ADAMTS5: variants seen among roughly 807,000 people sequenced by gnomAD.
ADAMTS5 encodes the protein ADAM metallopeptidase with thrombospondin type 1 motif 5.
ADAMTS5 carries 54 observed loss-of-function variants against 81.4 expected under a neutral mutation model. The ratio of observed to expected loss-of-function variants is 0.66; its 90% CI spans 0.53 to 0.83. The LOEUF is 0.83. Ranked by LOEUF, ADAMTS5 falls within the 40% of genes least tolerant of loss-of-function variation. ADAMTS5 has a pLI of 0.00. For missense variants in ADAMTS5, 1,194 were observed against 1,229.9 expected, an observed-to-expected ratio of 0.97 and a Z score of 0.44; for synonymous variants, 532 against 508.8, an observed-to-expected ratio of 1.05 and a Z score of -0.61.
chr21:26,928,653 T>G (rs562691314), intron 7 of ADAMTS5, among the ~76,000 whole-genome samples: 136 of 151,586 alleles, frequency 9.0e-4, no homozygotes, highest in Admixed American at 2.1e-3. Flanking sequence ...TCTCTTTCCT[T>G]TGTCTTTCTT....
rs1352155210 is a variant in ADAMTS5 at position 26,922,396 on chromosome 21, C to T, written c.*1657G>A. The T allele has an allele frequency of 6.6e-6, 1 of 151,996 alleles. No homozygotes were observed. Among genetic ancestry groups the T allele is most frequent in the African/African-American group, 2.4e-5 (1 of 41,422 alleles). The allele number at this position is 151,996 out of a possible 1,614,324, so 9.4% of individuals were successfully genotyped here. ...AAACATCTTATAATAAAAATAAACT[C>T]TCATGAGCTTGTAGAACTCAAACAG... On this transcript the variant is annotated 3_prime_UTR_variant, in exon 8 of 8. Transcript: ENST00000284987.
Position 26,965,478 on chromosome 21 carries a change from G to C in ADAMTS5, c.914C>G (p.Ala305Gly). The change falls in exon 1 of 8, where the codon GCT (alanine) becomes GGT (glycine). Residue 305 changes from alanine (A) to glycine (G), a missense_variant. Physicochemically the swap from Ala to Gly is moderately conservative, Grantham distance 60. Transcript: ENST00000284987. The stretch of plus-strand genomic sequence containing the variant: ...CAGGCGGATGTGGTTCTCGATGCTA[G>C]CATGGCTGTACAGCCTATTGGCGAT... ...ASIANRLYSH[A>G]SIENHIRLAV... The C allele has an allele frequency of 6.2e-7, 1 of 1,614,248 alleles. No homozygotes were observed. Among genetic ancestry groups the C allele is most frequent in the South Asian group, 1.1e-5 (1 of 91,086 alleles).
intron 7 of ADAMTS5, among the ~76,000 whole-genome samples, chr21:26,925,475 CA>C (rs1285882968): frequency 6.6e-6 from 1 of 151,814 alleles, no homozygotes; most frequent in Non-Finnish European, 1.5e-5. Flanking sequence ...ATCATCTGGA[CA>C]AAAAAATGGG....
intron 1 of ADAMTS5, 118 bp from the exon 2 acceptor site, chr21:26,954,989 C>G: frequency 7.8e-7 from 1 of 1,286,486 alleles, no homozygotes; most frequent in Admixed American, 2.5e-5. Context: ...ATCACCTGTT[C>G]CTCTCTGGAA....
chr21:26,921,902 C>T lies in ADAMTS5; in HGVS notation c.*2151G>A, dbSNP rs545826388. 6.6e-5 allele frequency: 10 copies of T among 151,950 alleles called. No individual in the cohort carries two copies. Among genetic ancestry groups the T allele is most frequent in the South Asian group, 2.1e-4 (1 of 4,798 alleles). The allele number at this position is 151,950 out of a possible 1,614,324, so 9.4% of individuals were successfully genotyped here. A position where few individuals can be genotyped will look rare whatever the true frequency, so the allele number is the denominator to read the frequency against. On this transcript the variant is annotated 3_prime_UTR_variant, in exon 8 of 8. Transcript: ENST00000284987. ...GTAGGAGACAACTACATTTATGCCT[C>T]GAGTATTTTTTAATGTTGTTGGGAA... is the stretch of plus-strand genomic sequence containing the variant.
intron 2 of ADAMTS5, among the ~76,000 whole-genome samples, chr21:26,950,976 C>T (rs770053116): frequency 1.1e-4 from 17 of 152,130 alleles, no homozygotes; most frequent in Non-Finnish European, 1.9e-4. Context: ...CCACCTCAGC[C>T]TTCTGAGTAG....
In ADAMTS5 at chr21:26,918,685, C is replaced by T. The variant is rs1481559869; in HGVS notation, c.*5368G>A. 1 of 151,852 alleles carries T rather than the reference C, an allele frequency of 6.6e-6. No homozygotes were observed. The highest frequency in any genetic ancestry group is 1.5e-5 in the Non-Finnish European group (1 of 67,912). The allele number at this position is 151,852 out of a possible 1,614,324, so 9.4% of individuals were successfully genotyped here. ...ACAAAGTCACATACAGTATGTTCTTCTATTGTAAATATACTCTCAGTATAG... is the reference window on the plus strand; with the variant it reads ...ACAAAGTCACATACAGTATGTTCTTTTATTGTAAATATACTCTCAGTATAG... On this transcript the variant is annotated 3_prime_UTR_variant, in exon 8 of 8. Coordinates refer to ENST00000284987, the MANE Select transcript of ADAMTS5 (RefSeq NM_007038.5).
Position 26,966,718 on chromosome 21 carries a change from C to A in ADAMTS5, c.-327G>T, listed in dbSNP as rs546466739. On this transcript the variant is annotated 5_prime_UTR_variant, in exon 1 of 8. Transcript: ENST00000284987. ...TACGGGAAAAGGAAAAAAACAAAAACCAAAAAACCACCAAATGCAGGCACG... is the reference window on the plus strand; with the variant it reads ...TACGGGAAAAGGAAAAAAACAAAAAACAAAAAACCACCAAATGCAGGCACG... Among the ~76,000 whole-genome samples, 12 of 149,266 alleles carry A rather than the reference C, an allele frequency of 8.0e-5. No individual in the cohort carries two copies. In the South Asian group the frequency reaches 2.3e-3, roughly 29 times the overall value.
chr21:26,936,854 T>A (rs908535072), intron 3 of ADAMTS5, among the ~76,000 whole-genome samples: 1 of 152,210 alleles, frequency 6.6e-6, no homozygotes, highest in East Asian at 1.9e-4. Flanking sequence ...AAAAACATTA[T>A]CTTCATTGCA....
In ADAMTS5 at chr21:26,923,121, G is replaced by A. The variant is rs1032702986; in HGVS notation, c.*932C>T. Reference sequence around the variant, plus strand: ...TTTGTACGTATATCATACATTGTGAGATATCAGATGAAAGCTCTGGAGAGA... The same window carrying A: ...TTTGTACGTATATCATACATTGTGAAATATCAGATGAAAGCTCTGGAGAGA... On this transcript the variant is annotated 3_prime_UTR_variant, in exon 8 of 8. Coordinates refer to ENST00000284987, the MANE Select transcript of ADAMTS5 (RefSeq NM_007038.5). 1.3e-5 allele frequency: 2 copies of A among 152,134 alleles called. No individual in the cohort carries two copies. Among genetic ancestry groups the A allele is most frequent in the African/African-American group, 4.8e-5 (2 of 41,424 alleles). 9.4% of individuals were successfully genotyped at this position (152,134 alleles called of 1,614,324 possible).
chr21:26,925,172 C>T (rs530866040), intron 7 of ADAMTS5, among the ~76,000 whole-genome samples: 1 of 152,304 alleles, frequency 6.6e-6, no homozygotes, highest in Non-Finnish European at 1.5e-5. Context: ...ACTTTTGAAA[C>T]TTCTCACATT....
At chr21:26,962,923 C>G (rs1378253337) in intron 1 of ADAMTS5, among the ~76,000 whole-genome samples, 1 of 151,850 alleles carries the variant, frequency 6.6e-6, no homozygotes, top group Non-Finnish European at 1.5e-5. Context: ...GTGAAATACT[C>G]TCAAATGAAT....
In ADAMTS5 at chr21:26,966,176, C is replaced by G; in HGVS notation, c.216G>C (p.Gly72=). 6.2e-7 allele frequency: 1 copy of G among 1,605,490 alleles called. No homozygotes were observed. Among genetic ancestry groups the G allele is most frequent in the Non-Finnish European group, 8.5e-7 (1 of 1,176,010 alleles). Residue 72 remains glycine (G), a synonymous_variant, in exon 1 of 8, where the codon GGG becomes GGC. Transcript: ENST00000284987. ...HPLAQRRRSK[G]LVQNIDQLYS... Reference sequence around the variant, plus strand: ...AGAGTTGGTCGATGTTCTGCACCAGCCCCTTGCTCCTGCGCCGCTGCGCCA... The same window carrying G: ...AGAGTTGGTCGATGTTCTGCACCAGGCCCTTGCTCCTGCGCCGCTGCGCCA...
chr21:26,925,270 G>T (rs1033327484), intron 7 of ADAMTS5, among the ~76,000 whole-genome samples: 1 of 152,086 alleles, frequency 6.6e-6, no homozygotes, highest in Non-Finnish European at 1.5e-5. Flanking sequence ...CTTTCTACTA[G>T]AATTCTGGAT....
intron 1 of ADAMTS5, among the ~76,000 whole-genome samples, chr21:26,955,548 T>C (rs1987409020): frequency 6.6e-6 from 1 of 152,204 alleles, no homozygotes; most frequent in Non-Finnish European, 1.5e-5. Flanking sequence ...TCATAGTTTT[T>C]CATAGATGTC....
chr21:26,928,322 A>T (rs1986840765), intron 7 of ADAMTS5, among the ~76,000 whole-genome samples: 1 of 152,188 alleles, frequency 6.6e-6, no homozygotes, highest in Non-Finnish European at 1.5e-5. Flanking sequence ...TGAACTACTC[A>T]AACATGTCAT....
rs868468466 is a variant in ADAMTS5 at position 26,965,589 on chromosome 21, T to C, written c.803A>G (p.Gln268Arg). The change falls in exon 1 of 8, where the codon CAG becomes CGG. Residue 268 changes from glutamine to arginine, a missense_variant. By Grantham distance (43) the Gln-to-Arg change is conservative (BLOSUM62 1). Around this residue, in one of 2 missense-constraint regions of ADAMTS5, gnomAD observed 498 missense variants for 412.3 expected, o/e 1.21. Coordinates refer to ENST00000284987, the MANE Select transcript of ADAMTS5 (RefSeq NM_007038.5). ...GTCAGCCACCAGAAGCAGCTCCACC[T>C]GGCGGGCCCGGGAGATGGAGCGGCG... is the stretch of plus-strand genomic sequence containing the variant. ...RRRRSISRAR[Q>R]VELLLVADAS... The C allele has an allele frequency of 6.2e-7, 1 of 1,605,464 alleles. No homozygotes were observed. The highest frequency in any genetic ancestry group is 1.3e-5 in the African/African-American group (1 of 74,766).
intron 3 of ADAMTS5, 136 bp downstream of exon 3, chr21:26,943,244 T>C: frequency 2.3e-6 from 2 of 864,732 alleles, no homozygotes; most frequent in Non-Finnish European, 3.4e-6. Flanking sequence ...TCAATTTTCT[T>C]GGTCTTTCTT....
At position 26,923,181 on chromosome 21, in the gene ADAMTS5, G is replaced by A. The variant is rs1184160593; in HGVS notation, c.*872C>T. 6.6e-6 allele frequency: 1 copy of A among 152,122 alleles called. No homozygotes were observed. Among genetic ancestry groups the A allele is most frequent in the Non-Finnish European group, 1.5e-5 (1 of 68,014 alleles). 9.4% of individuals were successfully genotyped at this position (152,122 alleles called of 1,614,324 possible). On this transcript the variant is annotated 3_prime_UTR_variant, in exon 8 of 8. Coordinates refer to ENST00000284987, the MANE Select transcript of ADAMTS5 (RefSeq NM_007038.5). The stretch of plus-strand genomic sequence containing the variant: ...TGTGAAAATATAAATTGAAAACACA[G>A]TGAAATACGATTTTTTTCCTTTTAA...
Sources: allele counts gnomAD v4.1 joint callset (sites outside exome capture counted in the v4.1 genomes callset), GRCh38; gene constraint gnomAD v4.1.1; regional missense constraint gnomAD v4.1.1; transcripts MANE v1.5; gene names NCBI Gene and HGNC (gene_info 2026-07-23, HGNC 2026-07-21).